SLC9A9: variants seen among roughly 807,000 people sequenced by gnomAD.
The protein encoded by SLC9A9 is sodium/hydrogen exchanger 9.
SLC9A9 carries 62 observed loss-of-function variants against 77.8 expected under a neutral mutation model. The ratio of observed to expected loss-of-function variants is 0.80; its 90% CI spans 0.65 to 0.98. The LOEUF (loss-of-function observed/expected upper bound fraction) is 0.98, where lower values mean the gene tolerates loss of function less well. Ranked by LOEUF, SLC9A9 falls within the 50% of genes least tolerant of loss-of-function variation. The pLI is 0.00. For missense variants in SLC9A9, 775 were observed against 774.9 expected, an observed-to-expected ratio of 1.00 and a Z score of 0.00; for synonymous variants, 320 against 283.5, an observed-to-expected ratio of 1.13 and a Z score of -1.29.
At chr3:143,407,224 A>T (rs928499501) in intron 12 of SLC9A9, among the ~76,000 whole-genome samples, 1 of 152,170 alleles carries the variant, frequency 6.6e-6, no homozygotes, top group African/African-American at 2.4e-5. Context: ...CTCATTTCTT[A>T]CCTATATGGC....
At chr3:143,797,620 C>T (rs2008423914) in intron 2 of SLC9A9, among the ~76,000 whole-genome samples, 1 of 152,146 alleles carries the variant, frequency 6.6e-6, no homozygotes, top group Admixed American at 6.5e-5. Context: ...TAACTGATGA[C>T]ATTCCACCAC....
At chr3:143,694,638 T>C (rs557172569) in intron 4 of SLC9A9, among the ~76,000 whole-genome samples, 1 of 152,306 alleles carries the variant, frequency 6.6e-6, no homozygotes, top group Non-Finnish European at 1.5e-5. Context: ...ATGAAGTAAT[T>C]TGCTTAAGGT....
intron 11 of SLC9A9, among the ~76,000 whole-genome samples, chr3:143,492,720 G>A (rs1421954641): frequency 1.3e-5 from 2 of 152,186 alleles, no homozygotes; most frequent in Non-Finnish European, 2.9e-5. Context: ...AAAAAATAGT[G>A]AGTGGCAAAT....
chr3:143,271,976 A>G (rs1173813201), intron 14 of SLC9A9, among the ~76,000 whole-genome samples: 1 of 152,150 alleles, frequency 6.6e-6, no homozygotes, highest in African/African-American at 2.4e-5. Flanking sequence ...TCAGGGGTGT[A>G]TGAGAGATGG....
chr3:143,541,926 T>C (rs1050627769), intron 9 of SLC9A9, among the ~76,000 whole-genome samples: 7 of 152,202 alleles, frequency 4.6e-5, no homozygotes, highest in Non-Finnish European at 8.8e-5. Context: ...AGGAGAAACA[T>C]GGATGTCTTA....
At chr3:143,476,051 T>C (rs1371922671) in intron 11 of SLC9A9, among the ~76,000 whole-genome samples, 9 of 124,710 alleles carry the variant, frequency 7.2e-5, no homozygotes, top group African/African-American at 5.1e-5. Context: ...AACCCTGGTT[T>C]GGGTCTAGAA....
intron 14 of SLC9A9, among the ~76,000 whole-genome samples, chr3:143,273,381 G>A (rs948481181): frequency 6.6e-6 from 1 of 152,092 alleles, no homozygotes; most frequent in African/African-American, 2.4e-5. Flanking sequence ...CCCTTATGAT[G>A]GAATTAATAC....
At chr3:143,496,590 T>C (rs918686592) in intron 9 of SLC9A9, among the ~76,000 whole-genome samples, 2 of 152,206 alleles carry the variant, frequency 1.3e-5, no homozygotes, top group African/African-American at 2.4e-5. Context: ...TGGTACAAGA[T>C]AGTTTTCTCT....
rs758908953 is a variant in SLC9A9 at position 143,266,925 on chromosome 3, T to G, written c.1715A>C (p.Gln572Pro). 2 of 1,613,960 alleles carry G rather than the reference T, an allele frequency of 1.2e-6. No homozygotes were observed. Among genetic ancestry groups the G allele is most frequent in the Non-Finnish European group, 8.5e-7 (1 of 1,179,862 alleles). Residue 572 changes from glutamine (Q) to proline (P), a missense_variant, in exon 16 of 16, where the codon CAG becomes CCG. Gln to Pro is a moderately conservative substitution (Grantham distance 76, BLOSUM62 -1). Coordinates refer to ENST00000316549, the MANE Select transcript of SLC9A9 (RefSeq NM_173653.4). ...GCATTCCACATCATCCTCTTTTAGC[T>G]GTTCCTGGTTGGGAAAAGAGAGAGA... ...LLTSPQAYGE[Q>P]LKEDDVECIV...
intron 4 of SLC9A9, among the ~76,000 whole-genome samples, chr3:143,776,616 T>C: frequency 6.6e-6 from 1 of 152,314 alleles, no homozygotes; most frequent in East Asian, 1.9e-4. Context: ...AGAAGGATTT[T>C]TATAAATTGT....
intron 12 of SLC9A9, among the ~76,000 whole-genome samples, chr3:143,420,114 G>A (rs2034269964): frequency 6.6e-6 from 1 of 152,202 alleles, no homozygotes; most frequent in South Asian, 2.1e-4. Flanking sequence ...GTGACAGTGG[G>A]CTGAACAGAA....
At chr3:143,646,200 C>T (rs1225427817) in intron 6 of SLC9A9, among the ~76,000 whole-genome samples, 1 of 151,248 alleles carries the variant, frequency 6.6e-6, no homozygotes, top group Admixed American at 6.6e-5. Flanking sequence ...ATAAAAATCA[C>T]TTGTGATTCC....
At chr3:143,746,359 T>C (rs1935196794) in intron 4 of SLC9A9, among the ~76,000 whole-genome samples, 1 of 152,228 alleles carries the variant, frequency 6.6e-6, no homozygotes, top group African/African-American at 2.4e-5. Context: ...TTCTCTTTTT[T>C]TCTCCATTTG....
intron 13 of SLC9A9, among the ~76,000 whole-genome samples, chr3:143,369,822 T>C (rs77620930): frequency 1.9e-3 from 283 of 152,312 alleles, no homozygotes; most frequent in African/African-American, 6.6e-3. Flanking sequence ...TCTTTTTTGC[T>C]GTCTCTCTTG....
chr3:143,268,062 C>A (rs1197079344), intron 15 of SLC9A9, among the ~76,000 whole-genome samples: 1 of 152,198 alleles, frequency 6.6e-6, no homozygotes, highest in African/African-American at 2.4e-5. Context: ...GTTTGAGAAC[C>A]ACTGCCTTAG....
chr3:143,808,011 G>T (rs1417508589), intron 2 of SLC9A9, among the ~76,000 whole-genome samples: 1 of 152,222 alleles, frequency 6.6e-6, no homozygotes, highest in Non-Finnish European at 1.5e-5. Flanking sequence ...ATGGTGGCCG[G>T]GAGTTGGGGA....
chr3:143,412,262 C>G (rs1411140815), intron 12 of SLC9A9, among the ~76,000 whole-genome samples: 1 of 152,052 alleles, frequency 6.6e-6, no homozygotes, highest in East Asian at 1.9e-4. Context: ...TCTGGACTCT[C>G]TAACCTCACT....
At chr3:143,346,749 T>G (rs1413122821) in intron 14 of SLC9A9, among the ~76,000 whole-genome samples, 1 of 151,958 alleles carries the variant, frequency 6.6e-6, no homozygotes, top group Non-Finnish European at 1.5e-5. Context: ...GCCGAGATAG[T>G]GCCATTGCAC....
chr3:143,529,309 A>G (rs2036463942), intron 9 of SLC9A9, among the ~76,000 whole-genome samples: 2 of 152,222 alleles, frequency 1.3e-5, no homozygotes, highest in South Asian at 2.1e-4. Context: ...AAAAAGTCCA[A>G]GTTCACTTTG....
Sources: allele counts gnomAD v4.1 joint callset (sites outside exome capture counted in the v4.1 genomes callset), GRCh38; gene constraint gnomAD v4.1.1; transcripts MANE v1.5; gene names NCBI Gene and HGNC (gene_info 2026-07-23, HGNC 2026-07-21).